Variants in KSR2 observed in about 807,000 individuals in gnomAD.
The protein encoded by KSR2 is kinase suppressor of ras 2.
KSR2 carries 25 observed loss-of-function variants against 107.8 expected under a neutral mutation model. The ratio of observed to expected loss-of-function variants is 0.23; its 90% CI spans 0.17 to 0.32. The LOEUF (loss-of-function observed/expected upper bound fraction) is 0.32. Ranked by LOEUF, KSR2 falls within the 10% of genes least tolerant of loss-of-function variation. KSR2 has a pLI of 1.00. For missense variants in KSR2, 887 were observed against 1,268.9 expected (o/e 0.70, Z 4.57); for synonymous variants, 480 against 507.0 (o/e 0.95, Z 0.71).
At chr12:117,600,654 T>C (rs1177976641) in intron 5 of KSR2, among the ~76,000 whole-genome samples, 5 of 152,210 alleles carry the variant, frequency 3.3e-5, no homozygotes, top group African/African-American at 1.2e-4. Flanking sequence ...TCCAAGGGAA[T>C]GTCAACATCT....
At chr12:117,590,570 T>G (rs1880260077) in intron 5 of KSR2, among the ~76,000 whole-genome samples, 1 of 152,218 alleles carries the variant, frequency 6.6e-6, no homozygotes, top group Non-Finnish European at 1.5e-5. Flanking sequence ...TTTTTGTCAC[T>G]GTCATCATCA....
intron 7 of KSR2, among the ~76,000 whole-genome samples, chr12:117,574,806 G>C (rs1182029434): frequency 1.3e-5 from 2 of 151,164 alleles, no homozygotes; most frequent in African/African-American, 4.9e-5. Flanking sequence ...CTGGTCCAGG[G>C]ACCATGTGTA....
chr12:117,651,232 C>G (rs771390505), intron 5 of KSR2, among the ~76,000 whole-genome samples: 1 of 152,332 alleles, frequency 6.6e-6, no homozygotes, highest in Non-Finnish European at 1.5e-5. Flanking sequence ...CCTGAGGCAA[C>G]AGTGATGGCC....
chr12:117,677,642 C>T (rs905494782), intron 4 of KSR2, among the ~76,000 whole-genome samples: 1 of 152,148 alleles, frequency 6.6e-6, no homozygotes, highest in African/African-American at 2.4e-5. Flanking sequence ...AAGAAAAATA[C>T]CTACCACTTT....
chr12:117,511,374 T>C (rs1874015695), intron 14 of KSR2, among the ~76,000 whole-genome samples: 1 of 152,236 alleles, frequency 6.6e-6, no homozygotes, highest in African/African-American at 2.4e-5. Flanking sequence ...GGCAATGACC[T>C]ATGAAATTCA....
chr12:117,634,118 C>T (rs1304308725), intron 5 of KSR2, among the ~76,000 whole-genome samples: 1 of 152,130 alleles, frequency 6.6e-6, no homozygotes, highest in Admixed American at 6.5e-5. Context: ...GACTATACAT[C>T]AAATGAATGG....
At chr12:117,727,514 AAGG>A (rs1887481002) in intron 4 of KSR2, among the ~76,000 whole-genome samples, 1 of 151,466 alleles carries the variant, frequency 6.6e-6, no homozygotes. Flanking sequence ...ACAAGAGGAG[AAGG>A]AGGAGGAGGA....
intron 1 of KSR2, among the ~76,000 whole-genome samples, chr12:117,943,279 T>C (rs1896066203): frequency 6.6e-6 from 1 of 152,138 alleles, no homozygotes; most frequent in African/African-American, 2.4e-5. Context: ...TTTCTGAAAT[T>C]AGTATGAACA....
chr12:117,470,412 T>C (rs1460814466), intron 18 of KSR2, among the ~76,000 whole-genome samples: 2 of 152,040 alleles, frequency 1.3e-5, no homozygotes, highest in African/African-American at 4.8e-5. Context: ...CATCCATCCG[T>C]TTACCATCCA....
At position 117,855,567 on chromosome 12, in the gene KSR2, G is replaced by A. The variant is rs768383231; in HGVS notation, c.333C>T (p.Pro111=). ...AGAGGTCCTCCAGGCTCAGCTGGCC[G>A]GGGGAGATTTCCTAGAGGAGGGGAG... The part of the protein sequence containing the change: ...VRKEVLEEIS[P]GQLSLEDLLE... Residue 111 remains proline (P), a synonymous_variant, in exon 3 of 20, where the codon CCC becomes CCT. Coordinates refer to ENST00000339824, the MANE Select transcript of KSR2 (RefSeq NM_173598.6). 16 of 1,613,800 alleles carry A rather than the reference G, an allele frequency of 9.9e-6. No individual in the cohort carries two copies. The highest frequency in any genetic ancestry group is 3.3e-5 in the Admixed American group (2 of 59,992).
chr12:117,666,756 T>A (rs1884674583), intron 5 of KSR2, among the ~76,000 whole-genome samples: 1 of 152,164 alleles, frequency 6.6e-6, no homozygotes, highest in Admixed American at 6.5e-5. Flanking sequence ...GAGCAACCAA[T>A]CAATAAAAGT....
chr12:117,542,288 G>C (rs1876553574), intron 9 of KSR2, among the ~76,000 whole-genome samples: 1 of 152,114 alleles, frequency 6.6e-6, no homozygotes, highest in South Asian at 2.1e-4. Flanking sequence ...GTATTGAGTA[G>C]AGGTGCTTTG....
At chr12:117,962,139 T>C (rs376892547) in intron 1 of KSR2, among the ~76,000 whole-genome samples, 17 of 129,810 alleles carry the variant, frequency 1.3e-4, no homozygotes, top group African/African-American at 3.7e-4. Context: ...AGCAAGACCC[T>C]GTCTCTTTAA....
intron 5 of KSR2, among the ~76,000 whole-genome samples, chr12:117,605,157 G>A (rs888226684): frequency 1.3e-5 from 2 of 152,158 alleles, no homozygotes; most frequent in Admixed American, 1.3e-4. Context: ...GGAATGGGGT[G>A]TTCTAAGGTT....
intron 5 of KSR2, among the ~76,000 whole-genome samples, chr12:117,629,169 T>C (rs1439856468): frequency 6.6e-6 from 1 of 152,250 alleles, no homozygotes. Context: ...GGTGAGTTGA[T>C]GACCCGCACT....
At chr12:117,613,912 A>C (rs1881736215) in intron 5 of KSR2, among the ~76,000 whole-genome samples, 1 of 152,164 alleles carries the variant, frequency 6.6e-6, no homozygotes, top group South Asian at 2.1e-4. Flanking sequence ...GTAATGTATT[A>C]GCTCTTCATC....
At chr12:117,956,205 G>C (rs539095798) in intron 1 of KSR2, among the ~76,000 whole-genome samples, 17 of 129,414 alleles carry the variant, frequency 1.3e-4, no homozygotes, top group Non-Finnish European at 1.4e-4. Flanking sequence ...AGCCGAGATT[G>C]AGCCACTGCA....
At chr12:117,718,530 C>T (rs1171615068) in intron 4 of KSR2, among the ~76,000 whole-genome samples, 1 of 152,166 alleles carries the variant, frequency 6.6e-6, no homozygotes, top group Non-Finnish European at 1.5e-5. Flanking sequence ...AGGTCCTGGT[C>T]CTTGTCACCT....
intron 3 of KSR2, among the ~76,000 whole-genome samples, chr12:117,774,199 A>G (rs528936164): frequency 6.6e-6 from 1 of 152,342 alleles, no homozygotes; most frequent in African/African-American, 2.4e-5. Flanking sequence ...TGACCTCCCG[A>G]AAGTCAAATA....
Sources: gnomAD v4.1 joint callset for allele counts (sites outside exome capture counted in the v4.1 genomes callset) on GRCh38, gnomAD v4.1.1 for gene constraint, MANE v1.5 for transcripts, NCBI Gene and HGNC (gene_info 2026-07-23, HGNC 2026-07-21) for gene names.